The following TG variants were observed in gnomAD, a reference collection of about 807,000 sequenced individuals.
TG encodes thyroglobulin, also known as thyroid hormones.
TG carries 270 observed loss-of-function variants against 324.7 expected under a neutral mutation model. The ratio of observed to expected loss-of-function variants is 0.83; its 90% CI spans 0.75 to 0.92. The LOEUF (loss-of-function observed/expected upper bound fraction) is 0.92, where lower values mean the gene tolerates loss of function less well. Among genes scored for constraint, TG ranks in the 40% least tolerant of loss-of-function variants. The pLI is 0.00. For missense variants in TG, 3,591 were observed against 3,456.4 expected, an observed-to-expected ratio of 1.04 and a Z score of -0.98; for synonymous variants, 1,401 against 1,327.0, an observed-to-expected ratio of 1.06 and a Z score of -1.21.
intron 41 of TG, among the ~76,000 whole-genome samples, chr8:133,069,776 G>A (rs552504725): frequency 1.6e-4 from 25 of 152,076 alleles, no homozygotes; most frequent in Non-Finnish European, 2.9e-4. Context: ...TGAGGCAGGC[G>A]GATCATTTGA....
At chr8:132,921,885 TCACATAAC>T (rs1429333404) in intron 21 of TG, among the ~76,000 whole-genome samples, 4 of 152,324 alleles carry the variant, frequency 2.6e-5, no homozygotes, top group Admixed American at 2.0e-4. Context: ...CAATGGTGAA[TCACATAAC>T]CAATAGTCTG....
chr8:132,901,379 AGT>A lies in TG; in HGVS notation c.3462_3463del (p.Ser1154ArgfsTer28). 1.2e-6 allele frequency: 2 copies of A among 1,614,166 alleles called. No individual in the cohort carries two copies. The highest frequency in any genetic ancestry group is 1.7e-6 in the Non-Finnish European group (2 of 1,180,040). ...CCCAAGCCTCTGCAATGTGCTCAAG[AGT>A]GGAGTCCTCTCCAGGAGAGTCAGCC... ...QCPSLCNVLK[S>X]GVLSRRVSPG... On this transcript the variant is annotated frameshift_variant, in exon 16 of 48. Coordinates refer to ENST00000220616, the MANE Select transcript of TG (RefSeq NM_003235.5). LOFTEE classifies it high-confidence loss of function.
intron 4 of TG, among the ~76,000 whole-genome samples, chr8:132,872,830 G>T (rs945239879): frequency 9.2e-5 from 14 of 152,126 alleles, no homozygotes; most frequent in African/African-American, 3.4e-4. Context: ...TGCTGTATAG[G>T]TTTGTAGCCT....
intron 37 of TG, among the ~76,000 whole-genome samples, chr8:133,015,066 T>C (rs1167057611): frequency 6.6e-6 from 1 of 152,174 alleles, no homozygotes; most frequent in African/African-American, 2.4e-5. Flanking sequence ...AGAGATAGGG[T>C]TTTGCCATGC....
chr8:132,981,207 C>T (rs1830800126), intron 34 of TG, among the ~76,000 whole-genome samples: 1 of 152,220 alleles, frequency 6.6e-6, no homozygotes, highest in South Asian at 2.1e-4. Flanking sequence ...GTGGCAAATG[C>T]TCTGCTGACG....
intron 5 of TG, among the ~76,000 whole-genome samples, chr8:132,878,918 G>T (rs1401128807): frequency 1.3e-5 from 2 of 152,196 alleles, no homozygotes; most frequent in South Asian, 2.1e-4. Flanking sequence ...CCCAAGGCTA[G>T]GGATGGAGCC....
intron 41 of TG, among the ~76,000 whole-genome samples, chr8:133,065,519 T>A (rs1303274335): frequency 6.6e-6 from 1 of 152,190 alleles, no homozygotes; most frequent in African/African-American, 2.4e-5. Context: ...CCTAGCACTT[T>A]GGGAAGCTGA....
chr8:133,106,402 T>G (rs1272027165), intron 43 of TG: 1 of 985,272 alleles, frequency 1.0e-6, no homozygotes, highest in East Asian at 1.1e-4. Context: ...TTCCATGCTC[T>G]CTGGCAGGTC....
chr8:132,985,077 T>C (rs1349704940), intron 35 of TG, among the ~76,000 whole-genome samples: 1 of 152,186 alleles, frequency 6.6e-6, no homozygotes, highest in East Asian at 1.9e-4. Flanking sequence ...TGTTTCTAAG[T>C]TACAGTTGGC....
intron 41 of TG, among the ~76,000 whole-genome samples, chr8:133,092,346 T>C (rs369636923): frequency 1.7e-4 from 26 of 152,352 alleles, no homozygotes; most frequent in East Asian, 1.3e-3. Context: ...GGTTTTGACC[T>C]GAACTATTTT....
intron 25 of TG, among the ~76,000 whole-genome samples, chr8:132,940,841 A>T (rs1484984803): frequency 6.6e-6 from 1 of 152,266 alleles, no homozygotes; most frequent in Non-Finnish European, 1.5e-5. Context: ...GCACAAGGCA[A>T]TGACATGCTC....
chr8:133,022,833 A>G (rs1835681985), intron 40 of TG, among the ~76,000 whole-genome samples: 1 of 152,204 alleles, frequency 6.6e-6, no homozygotes, highest in Admixed American at 6.5e-5. Context: ...CTGACCTAGG[A>G]ATCTGAAGAG....
intron 34 of TG, among the ~76,000 whole-genome samples, chr8:132,977,475 T>A (rs777730365): frequency 6.6e-6 from 1 of 152,152 alleles, no homozygotes. Context: ...TCCATTTTCA[T>A]GCTGCTGATA....
In TG at chr8:132,967,679, G is replaced by T. The variant is rs147550701; in HGVS notation, c.5687-115G>T. ...ATGATCATGACAGTCTCAGGCCTCTGCCCTAACTAGGAGGGATCTCTACCA... is the reference window on the plus strand; with the variant it reads ...ATGATCATGACAGTCTCAGGCCTCTTCCCTAACTAGGAGGGATCTCTACCA... On this transcript the variant is annotated intron_variant, in intron 30 of 47. Coordinates refer to ENST00000220616, the MANE Select transcript of TG (RefSeq NM_003235.5). 178 of 1,182,204 alleles carry T rather than the reference G, an allele frequency of 1.5e-4. No individual in the cohort carries two copies. The African/African-American group carries it at 2.3e-3, about 15-fold the overall frequency. 73.2% of individuals were successfully genotyped at this position (1,182,204 alleles called of 1,614,324 possible).
Position 132,888,301 on chromosome 8 carries a change from G to T in TG, c.2494G>T (p.Val832Phe). Residue 832 changes from valine (V) to phenylalanine (F), a missense_variant, in exon 10 of 48, where the codon GTC becomes TTC. Coordinates refer to ENST00000220616, the MANE Select transcript of TG (RefSeq NM_003235.5). ...TCTGTATGAGGCTGGCCAGCAAGAT[G>T]TCTTCCCGGTGCTGTCACAATACCC... ...QSLYEAGQQD[V>F]FPVLSQYPSL... is the part of the protein sequence containing the mutation. The T allele has an allele frequency of 6.2e-7, 1 of 1,614,220 alleles. No homozygotes were observed. The highest frequency in any genetic ancestry group is 1.1e-5 in the South Asian group (1 of 91,082).
In TG at chr8:132,969,714, T is replaced by G. The variant is rs138203814; in HGVS notation, c.5975+145T>G. ...GATCACGAGGTCAAGAGATCAAGAC[T>G]ATCCTGACCAACATGGTGAAGCCCC... On this transcript the variant is annotated intron_variant, in intron 32 of 47. Transcript: ENST00000220616. 3,249 of 660,930 alleles carry G rather than the reference T, an allele frequency of 4.9e-3. 91 individuals are homozygous for G. The African/African-American group carries it at 0.054, about 11-fold the overall frequency. The allele number at this position is 660,930 out of a possible 1,614,324, so 40.9% of individuals were successfully genotyped here.
At chr8:133,059,176 A>C (rs1346357707) in intron 41 of TG, 1 of 455,862 alleles carries the variant, frequency 2.2e-6, no homozygotes, top group African/African-American at 2.0e-5. Flanking sequence ...GCTGCTGGGA[A>C]CCATGTGTGG....
rs145974863 is a variant in TG, at chr8:133,131,650, G to A, written c.7863-162G>A. On this transcript the variant is annotated intron_variant, in intron 45 of 47. Transcript: ENST00000220616. Reference sequence around the variant, plus strand: ...GGCCACTGCACTAAATTTAGGCCAAGCCAAATCTCCATTCAACTGGGCCCT... The same window carrying A: ...GGCCACTGCACTAAATTTAGGCCAAACCAAATCTCCATTCAACTGGGCCCT... Among the ~76,000 whole-genome samples the A allele has an allele frequency of 1.8e-4, 27 of 152,340 alleles. 1 individual carries two copies. The East Asian group carries it at 4.8e-3, about 27-fold the overall frequency.
chr8:132,885,138 G>GGGT (rs1554654642), intron 8 of TG, among the ~76,000 whole-genome samples: 9 of 151,330 alleles, frequency 5.9e-5, no homozygotes, highest in African/African-American at 2.2e-4. Flanking sequence ...TTGGGGGGGG[G>GGGT]GCGTGGTGGT....
Sources: gnomAD v4.1 joint callset for allele counts (sites outside exome capture counted in the v4.1 genomes callset) on GRCh38, gnomAD v4.1.1 for gene constraint, MANE v1.5 for transcripts, NCBI Gene and HGNC (gene_info 2026-07-23, HGNC 2026-07-21) for gene names.